Variants in NUP153 observed in about 807,000 individuals in gnomAD.
The protein encoded by NUP153 is nucleoporin 153.
A neutral mutation model predicts 134.6 loss-of-function variants in NUP153; 27 were observed. The ratio of observed to expected loss-of-function variants is 0.20; its 90% CI spans 0.15 to 0.28. NUP153 has a LOEUF of 0.28. Ranked by LOEUF, NUP153 falls within the 10% of genes least tolerant of loss-of-function variation. NUP153 has a pLI of 1.00. For missense variants in NUP153, 1,821 were observed against 1,731.3 expected (o/e 1.05, Z -0.92); for synonymous variants, 640 against 623.5 (o/e 1.03, Z -0.40).
chr6:17,667,320 GATA>G (rs1767594601), intron 8 of NUP153, among the ~76,000 whole-genome samples: 1 of 152,062 alleles, frequency 6.6e-6, no homozygotes, highest in South Asian at 2.1e-4. Flanking sequence ...TTTCATTACA[GATA>G]ATAATTTATC....
At chr6:17,618,469 T>TG (rs200423236) in intron 20 of NUP153, among the ~76,000 whole-genome samples, 1,875 of 149,776 alleles carry the variant, frequency 0.013, 41 homozygotes, top group African/African-American at 0.042. Flanking sequence ...GAGAGTTGGG[T>TG]GGGGGGGAAC....
Position 17,675,305 on chromosome 6 carries a change from T to G in NUP153, c.647A>C (p.His216Pro), listed in dbSNP as rs1379054010. 1 of 1,614,012 alleles carries G rather than the reference T, an allele frequency of 6.2e-7. No individual in the cohort carries two copies. Among genetic ancestry groups the G allele is most frequent in the East Asian group, 2.2e-5 (1 of 44,874 alleles). The change falls in exon 4 of 22, where the codon CAC becomes CCC. Residue 216 changes from histidine (H) to proline (P), a missense_variant. His to Pro is a moderately conservative substitution (Grantham distance 77). Coordinates refer to ENST00000262077, the MANE Select transcript of NUP153 (RefSeq NM_005124.4). The surrounding 1 kb of genome is among the most constrained non-coding windows in gnomAD (Gnocchi z 4.4). ...GGTGGCAGTGTGCTGTGAGAGTGAG[T>G]GAGAACGTTCAGCTTCTGGGGACCA... ...PLWSPEAERS[H>P]SLSQHTATSS...
intron 15 of NUP153, among the ~76,000 whole-genome samples, chr6:17,639,605 T>A (rs888856429): frequency 6.6e-6 from 1 of 152,190 alleles, no homozygotes; most frequent in Non-Finnish European, 1.5e-5. Flanking sequence ...GGGGAATAAT[T>A]CAAGAAGGCA....
At position 17,675,433 on chromosome 6, in the gene NUP153, G is replaced by T; in HGVS notation, c.584-65C>A. 1.3e-6 allele frequency: 2 copies of T among 1,564,344 alleles called. No homozygotes were observed. The highest frequency in any genetic ancestry group is 1.7e-6 in the Non-Finnish European group (2 of 1,155,324). ...ACAAGAGCCTAGATTTTTATAAATA[G>T]AAAATAAAAATTACAACCAAGTCAG... On this transcript the variant is annotated intron_variant, in intron 3 of 21. Transcript: ENST00000262077. This position sits in a 1 kb window ranked among gnomAD's most constrained non-coding sequence, Gnocchi z 4.4.
intron 2 of NUP153, among the ~76,000 whole-genome samples, chr6:17,683,567 C>A (rs1768741727): frequency 6.6e-6 from 1 of 152,180 alleles, no homozygotes. Flanking sequence ...GTTCAGTAAA[C>A]CATGCTGTAA....
At chr6:17,626,548 A>C (rs1764959975) in intron 18 of NUP153, among the ~76,000 whole-genome samples, 1 of 152,166 alleles carries the variant, frequency 6.6e-6, no homozygotes, top group African/African-American at 2.4e-5. Flanking sequence ...TCATAACTTC[A>C]ATTTATCTAA....
intron 5 of NUP153, among the ~76,000 whole-genome samples, chr6:17,672,006 T>C (rs1767942587): frequency 6.6e-6 from 1 of 151,432 alleles, no homozygotes; most frequent in Non-Finnish European, 1.5e-5. Flanking sequence ...AGATCCCATC[T>C]AAAAAATAAA....
At position 17,634,635 on chromosome 6, in the gene NUP153, C is replaced by T. The variant is rs57010318; in HGVS notation, c.2465-1791G>A. On this transcript the variant is annotated intron_variant, in intron 16 of 21. Coordinates refer to ENST00000262077, the MANE Select transcript of NUP153 (RefSeq NM_005124.4). The stretch of plus-strand genomic sequence containing the variant: ...TATTTTTAGTAGAGACAGGGCTTTG[C>T]CATGTTGGCCAGGCTGGTCTCAAAC... 6.6e-3 allele frequency among the ~76,000 whole-genome samples: 1,010 copies of T among 152,278 alleles called. 11 individuals carry two copies. Among genetic ancestry groups the T allele is most frequent in the African/African-American group, 0.023 (963 of 41,554 alleles).
chr6:17,655,524 G>A (rs575469770), intron 11 of NUP153, among the ~76,000 whole-genome samples: 1 of 151,086 alleles, frequency 6.6e-6, no homozygotes, highest in African/African-American at 2.4e-5. Flanking sequence ...TACGATCTCA[G>A]CTCACTGCAA....
intron 2 of NUP153, among the ~76,000 whole-genome samples, chr6:17,679,026 A>G (rs932972350): frequency 3.9e-5 from 6 of 152,216 alleles, no homozygotes; most frequent in African/African-American, 1.4e-4. Flanking sequence ...ATTTAGTTCC[A>G]AAGTACTATA....
At chr6:17,662,615 T>G (rs529212424) in intron 9 of NUP153, among the ~76,000 whole-genome samples, 56 of 152,316 alleles carry the variant, frequency 3.7e-4, no homozygotes, top group Non-Finnish European at 6.3e-4. Context: ...AGAATATAAT[T>G]GGGAAGTTTC....
At chr6:17,642,952 G>T (rs568705442) in intron 14 of NUP153, among the ~76,000 whole-genome samples, 46 of 152,324 alleles carry the variant, frequency 3.0e-4, no homozygotes, top group Middle Eastern at 3.4e-3. Context: ...CTACTTACAT[G>T]ACATATTCAG....
In NUP153 at chr6:17,706,582, G is replaced by C. The variant is rs1449862729; in HGVS notation, c.-195C>G. On this transcript the variant is annotated 5_prime_UTR_variant, in exon 1 of 22. Coordinates refer to ENST00000262077, the MANE Select transcript of NUP153 (RefSeq NM_005124.4). The surrounding 1 kb of genome is among the most constrained non-coding windows in gnomAD (Gnocchi z 5.9). ...CGGAGAGAGGGTGAGTGCTGGCAGCGGGGAAGGGGGTGGCGGCCGCAGAGG... is the reference window on the plus strand; with the variant it reads ...CGGAGAGAGGGTGAGTGCTGGCAGCCGGGAAGGGGGTGGCGGCCGCAGAGG... 3.4e-6 allele frequency: 2 copies of C among 582,474 alleles called. No homozygotes were observed. The highest frequency in any genetic ancestry group is 2.0e-5 in the South Asian group (1 of 49,766). 36.1% of individuals were successfully genotyped at this position (582,474 alleles called of 1,614,324 possible). A position where few individuals can be genotyped will look rare whatever the true frequency, so the allele number is the denominator to read the frequency against.
chr6:17,644,146 CA>C (rs1187734848), intron 14 of NUP153, among the ~76,000 whole-genome samples: 2 of 152,126 alleles, frequency 1.3e-5, no homozygotes, highest in African/African-American at 4.8e-5. Flanking sequence ...CATTCAAAGC[CA>C]AAGATATTTC....
At chr6:17,633,651 A>C (rs1014460517) in intron 16 of NUP153, among the ~76,000 whole-genome samples, 2 of 152,196 alleles carry the variant, frequency 1.3e-5, no homozygotes, top group African/African-American at 2.4e-5. Context: ...GACAAATCTT[A>C]AGCAAAACTA....
chr6:17,668,522 A>C (rs1426013656), intron 8 of NUP153, among the ~76,000 whole-genome samples: 1 of 152,146 alleles, frequency 6.6e-6, no homozygotes, highest in Non-Finnish European at 1.5e-5. Context: ...GGACTGCAGA[A>C]GAGAGTAAAA....
chr6:17,686,079 T>C (rs995533535), intron 2 of NUP153, among the ~76,000 whole-genome samples: 2 of 151,876 alleles, frequency 1.3e-5, no homozygotes, highest in Admixed American at 1.3e-4. Flanking sequence ...GCCTGGAAGG[T>C]TGAGGTTGCA....
At chr6:17,648,957 A>G (rs773674723) in intron 12 of NUP153, among the ~76,000 whole-genome samples, 2 of 152,260 alleles carry the variant, frequency 1.3e-5, no homozygotes, top group African/African-American at 4.8e-5. Context: ...ATGGTATTGC[A>G]TAAGAGTTGA....
At chr6:17,661,894 C>G in intron 10 of NUP153, 115 bp from the exon 11 acceptor site, 1 of 1,288,960 alleles carries the variant, frequency 7.8e-7, no homozygotes. Context: ...ATTCTAAAAT[C>G]TTAGATTTCT....
Sources: gnomAD v4.1 joint callset for allele counts (sites outside exome capture counted in the v4.1 genomes callset) on GRCh38, gnomAD v4.1.1 for gene constraint, Gnocchi (gnomAD v3.1) non-coding constraint, MANE v1.5 for transcripts, NCBI Gene and HGNC (gene_info 2026-07-23, HGNC 2026-07-21) for gene names.